PLEKHM3: variants seen among roughly 807,000 people sequenced by gnomAD.
PLEKHM3 encodes the protein pleckstrin homology domain-containing family M member 3.
A neutral mutation model predicts 81.8 loss-of-function variants in PLEKHM3; 45 were observed. The ratio of observed to expected loss-of-function variants is 0.55; its 90% CI spans 0.43 to 0.71. The LOEUF (loss-of-function observed/expected upper bound fraction) is 0.71. PLEKHM3 is among the 30% of genes least tolerant of loss of function. PLEKHM3 has a pLI of 0.00. For synonymous variants in PLEKHM3, 352 were observed against 356.4 expected (o/e 0.99, Z 0.14); for missense variants, 788 against 924.3 (o/e 0.85, Z 1.91).
At chr2:207,862,692 T>C (rs1187368500) in intron 6 of PLEKHM3, among the ~76,000 whole-genome samples, 1 of 152,014 alleles carries the variant, frequency 6.6e-6, no homozygotes, top group Non-Finnish European at 1.5e-5. Flanking sequence ...GTAGTATAAA[T>C]CATACCTAAA....
At chr2:207,966,264 C>A (rs1690904715) in intron 3 of PLEKHM3, among the ~76,000 whole-genome samples, 1 of 152,190 alleles carries the variant, frequency 6.6e-6, no homozygotes, top group Admixed American at 6.5e-5. Flanking sequence ...CTAAATCAGA[C>A]AAGTTAAATG....
At chr2:207,846,775 T>C (rs545453937) in intron 7 of PLEKHM3, among the ~76,000 whole-genome samples, 3 of 152,044 alleles carry the variant, frequency 2.0e-5, no homozygotes, top group African/African-American at 7.2e-5. Flanking sequence ...TATAAGTTTA[T>C]AGATTAAATG....
chr2:207,938,583 T>G (rs1049162731), intron 4 of PLEKHM3, among the ~76,000 whole-genome samples: 1 of 152,226 alleles, frequency 6.6e-6, no homozygotes, highest in Non-Finnish European at 1.5e-5. Context: ...AATCCTGATA[T>G]CTGAGAAAAG....
chr2:207,977,218 GCC>G lies in PLEKHM3; in HGVS notation c.977_978del (p.Gly326AlafsTer5). The G allele has an allele frequency of 6.2e-7, 1 of 1,614,154 alleles. No individual in the cohort carries two copies. The highest frequency in any genetic ancestry group is 8.5e-7 in the Non-Finnish European group (1 of 1,180,012). On this transcript the variant is annotated frameshift_variant, in exon 3 of 8. Transcript: ENST00000427836. LOFTEE classifies it high-confidence loss of function. ...TGTGTATAGTCATCATGATGGCCAA[GCC>G]CTGGTGAGATTGTCAGCTCATTCTG... ...GRQNELTISPGLGHHDDYTQN... is the reference protein window; with the variant it reads ...GRQNELTISPXLGHHDDYTQN...
At position 207,930,949 on chromosome 2, in the gene PLEKHM3, C is replaced by T. The variant is rs1234134561; in HGVS notation, c.1863G>A (p.Ala621=). The T allele has an allele frequency of 2.0e-5, 33 of 1,613,184 alleles. No individual in the cohort carries two copies. Among genetic ancestry groups the T allele is most frequent in the South Asian group, 3.3e-5 (3 of 91,050 alleles). ...LRAYLFSCRA[A]VAEDLRRRIF... ...ACCTGCGGCGGAGATCCTCTGCCAC[C>T]GCTGCCCGGCAGCTGAACAAATAGG... Residue 621 remains alanine (A), a synonymous_variant, in exon 5 of 8, where the codon GCG becomes GCA. Coordinates refer to ENST00000427836, the MANE Select transcript of PLEKHM3 (RefSeq NM_001080475.3).
At chr2:207,860,247 G>A (rs1306940862) in intron 7 of PLEKHM3, among the ~76,000 whole-genome samples, 1 of 150,796 alleles carries the variant, frequency 6.6e-6, no homozygotes, top group Non-Finnish European at 1.5e-5. Flanking sequence ...TTTTCTGTGT[G>A]TGGGCCAACC....
chr2:207,890,910 C>T (rs1364935967), intron 6 of PLEKHM3, among the ~76,000 whole-genome samples: 3 of 152,068 alleles, frequency 2.0e-5, no homozygotes, highest in Non-Finnish European at 2.9e-5. Flanking sequence ...CTTGCTGGGC[C>T]ATTTGAAAAA....
At chr2:207,957,245 C>T (rs1323086403) in intron 3 of PLEKHM3, among the ~76,000 whole-genome samples, 1 of 152,054 alleles carries the variant, frequency 6.6e-6, no homozygotes, top group African/African-American at 2.4e-5. Context: ...AAGAATAATC[C>T]CCCTTATTGT....
At chr2:207,914,058 T>C (rs957543172) in intron 5 of PLEKHM3, among the ~76,000 whole-genome samples, 2 of 152,058 alleles carry the variant, frequency 1.3e-5, no homozygotes, top group African/African-American at 4.8e-5. Context: ...ATAAAAAAGA[T>C]TAATAATTAC....
At chr2:208,008,006 T>TCG (rs1321786293) in intron 1 of PLEKHM3, among the ~76,000 whole-genome samples, 5 of 152,074 alleles carry the variant, frequency 3.3e-5, no homozygotes, top group Non-Finnish European at 7.4e-5. Flanking sequence ...TGAGCCAAGA[T>TCG]TGCACCACTG....
chr2:207,856,143 A>T (rs965199564), intron 7 of PLEKHM3, among the ~76,000 whole-genome samples: 1 of 152,210 alleles, frequency 6.6e-6, no homozygotes, highest in Non-Finnish European at 1.5e-5. Context: ...AACAATTTTT[A>T]AATTTTTATT....
chr2:207,889,434 A>AACACACACACACACACACACACACAC, intron 6 of PLEKHM3, among the ~76,000 whole-genome samples: 1 of 129,242 alleles, frequency 7.7e-6, no homozygotes, highest in East Asian at 2.8e-4. Context: ...GGTTTTTTTC[A>AACACACACACACACACACACACACAC]ACACACACAC....
chr2:207,929,019 A>T (rs1360043000), intron 5 of PLEKHM3, among the ~76,000 whole-genome samples: 1 of 152,226 alleles, frequency 6.6e-6, no homozygotes, highest in Non-Finnish European at 1.5e-5. Flanking sequence ...GCTATTACTC[A>T]GTGGTCTGAA....
intron 6 of PLEKHM3, among the ~76,000 whole-genome samples, chr2:207,883,171 G>C (rs896580927): frequency 1.4e-4 from 21 of 152,232 alleles, no homozygotes; most frequent in African/African-American, 4.8e-4. Context: ...GTGGCTGAAA[G>C]GGGAAGATGA....
chr2:207,926,897 C>G (rs573251104), intron 5 of PLEKHM3, among the ~76,000 whole-genome samples: 1 of 152,180 alleles, frequency 6.6e-6, no homozygotes, highest in Non-Finnish European at 1.5e-5. Context: ...CCCTGGCGGT[C>G]GAGCGCTAAT....
chr2:207,840,226 G>A (rs1417211047), intron 7 of PLEKHM3, among the ~76,000 whole-genome samples: 1 of 152,080 alleles, frequency 6.6e-6, no homozygotes, highest in Non-Finnish European at 1.5e-5. Context: ...TCTTGCTGTT[G>A]CCCAGGCTGG....
intron 2 of PLEKHM3, among the ~76,000 whole-genome samples, chr2:207,994,994 G>A (rs1434871996): frequency 1.3e-5 from 2 of 152,122 alleles, no homozygotes; most frequent in African/African-American, 4.8e-5. Flanking sequence ...AAACTGGCAC[G>A]TTCTGCGCGT....
intron 4 of PLEKHM3, among the ~76,000 whole-genome samples, chr2:207,939,920 G>A (rs1014846686): frequency 5.3e-5 from 8 of 152,204 alleles, no homozygotes; most frequent in Admixed American, 1.3e-4. Flanking sequence ...AGGCAGCGTA[G>A]GTGTGGCAGA....
At chr2:207,960,483 G>C (rs1397311593) in intron 3 of PLEKHM3, among the ~76,000 whole-genome samples, 1 of 152,216 alleles carries the variant, frequency 6.6e-6, no homozygotes, top group African/African-American at 2.4e-5. Context: ...ATCTAATTTA[G>C]GGGTCCACTC....
Sources: gnomAD v4.1 joint callset for allele counts (sites outside exome capture counted in the v4.1 genomes callset) on GRCh38, gnomAD v4.1.1 for gene constraint, MANE v1.5 for transcripts, NCBI Gene and HGNC (gene_info 2026-07-23, HGNC 2026-07-21) for gene names.